Variants in PLSCR2 observed in about 807,000 individuals in gnomAD.
PLSCR2 encodes PL scramblase 2.
A neutral mutation model predicts 25.3 loss-of-function variants in PLSCR2; 18 were observed. The ratio of observed to expected loss-of-function variants is 0.71; its 90% CI spans 0.49 to 1.06. The LOEUF (loss-of-function observed/expected upper bound fraction) is 1.06, where lower values mean the gene tolerates loss of function less well. PLSCR2 is among the 50% of genes least tolerant of loss of function. PLSCR2 has a pLI of 0.00. For missense variants in PLSCR2, 243 were observed against 269.5 expected (o/e 0.90, Z 0.69); for synonymous variants, 88 against 87.3 (o/e 1.01, Z -0.04).
chr3:146,412,837 G>A (rs1160077595), intron 2 of PLSCR2, among the ~76,000 whole-genome samples: 3 of 152,090 alleles, frequency 2.0e-5, no homozygotes, highest in Admixed American at 1.3e-4. Context: ...GTACGAGCTG[G>A]AGTGGTGGGG....
chr3:146,479,833 G>T (rs899144781), intron 1 of PLSCR2, among the ~76,000 whole-genome samples: 1 of 152,074 alleles, frequency 6.6e-6, no homozygotes, highest in African/African-American at 2.4e-5. Context: ...CACATAATTG[G>T]AAGTAAAGCA....
At chr3:146,439,357 T>C (rs938905313), downstream of PLSCR2, among the ~76,000 whole-genome samples, 2 of 152,214 alleles carry the variant, frequency 1.3e-5, no homozygotes, top group Non-Finnish European at 2.9e-5. Context: ...CTGGATAATA[T>C]CCTGAAGTGT....
intron 1 of PLSCR2, among the ~76,000 whole-genome samples, chr3:146,494,439 C>T (rs760939369): frequency 3.3e-5 from 5 of 151,984 alleles, no homozygotes; most frequent in Admixed American, 6.6e-5. Flanking sequence ...TGTGCATATA[C>T]AGTGCATATG....
chr3:146,460,815 C>T (rs181289524), upstream of PLSCR2, among the ~76,000 whole-genome samples: 3 of 152,316 alleles, frequency 2.0e-5, no homozygotes, highest in Admixed American at 2.0e-4. Context: ...TTTTCAGATG[C>T]TTGTCTGGGC....
At chr3:146,455,423 A>C (rs2041155714) in exon 4 of PLSCR2, 1 of 1,612,288 alleles carries the variant, frequency 6.2e-7, no homozygotes, top group African/African-American at 1.3e-5. Context: ...GCTGTTCTTG[A>C]TTTCATACAT....
chr3:146,426,849 T>C (rs1298457040), intron 2 of PLSCR2, among the ~76,000 whole-genome samples: 2 of 152,182 alleles, frequency 1.3e-5, no homozygotes, highest in Non-Finnish European at 2.9e-5. Flanking sequence ...TTTTTATGTG[T>C]CTTTAAATTC....
At chr3:146,472,383 T>C (rs1056527664) in intron 1 of PLSCR2, among the ~76,000 whole-genome samples, 1 of 152,230 alleles carries the variant, frequency 6.6e-6, no homozygotes, top group Non-Finnish European at 1.5e-5. Context: ...AGACTTCTTT[T>C]CATGTAGTTC....
rs1394189495 is a variant in PLSCR2 at position 146,472,037 on chromosome 3, C to A, written c.-292-11753G>T. Among the ~76,000 whole-genome samples the A allele has an allele frequency of 2.6e-5, 4 of 152,062 alleles. No homozygotes were observed. The South Asian group carries it at 6.2e-4, about 24-fold the overall frequency. ...TGTACCCAGGACATTTTTATGATTT[C>A]TTCCTTTACGTCTATTCCTTATTTC... is the stretch of plus-strand genomic sequence containing the variant. On this transcript the variant is annotated intron_variant, in intron 1 of 8. Transcript: ENST00000336685.
intron 8 of PLSCR2, among the ~76,000 whole-genome samples, chr3:146,436,048 G>T (rs1393051651): frequency 1.3e-5 from 2 of 152,098 alleles, no homozygotes; most frequent in Non-Finnish European, 2.9e-5. Flanking sequence ...CCCATTTCTT[G>T]TTTTTGTCAG....
intron 1 of PLSCR2, chr3:146,495,847 C>A: frequency 6.9e-7 from 1 of 1,453,014 alleles, no homozygotes; most frequent in Non-Finnish European, 9.3e-7. Flanking sequence ...TTATAGAGAT[C>A]AACATTTGAA....
chr3:146,396,751 G>GTA (rs2038287127), intron 2 of PLSCR2, among the ~76,000 whole-genome samples: 1 of 152,074 alleles, frequency 6.6e-6, no homozygotes, highest in Non-Finnish European at 1.5e-5. Context: ...AGGTTAGCAG[G>GTA]GCTGCTCATA....
At chr3:146,414,768 T>A (rs1298323928) in intron 2 of PLSCR2, among the ~76,000 whole-genome samples, 1 of 152,210 alleles carries the variant, frequency 6.6e-6, no homozygotes, top group East Asian at 1.9e-4. Flanking sequence ...TGCATTCTGC[T>A]TCTATTAACA....
chr3:146,393,506 T>A (rs958537066), intron 3 of PLSCR2, among the ~76,000 whole-genome samples: 38 of 151,894 alleles, frequency 2.5e-4, no homozygotes, highest in Non-Finnish European at 3.8e-4. Flanking sequence ...ATGTGTGTTG[T>A]CTAATTGTTT....
At chr3:146,414,597 AT>A (rs10627858) in intron 2 of PLSCR2, among the ~76,000 whole-genome samples, 75 of 150,392 alleles carry the variant, frequency 5.0e-4, no homozygotes, top group African/African-American at 1.7e-3. Context: ...CAATGATAGT[AT>A]TTTTTTTTTG....
At chr3:146,419,055 T>C (rs889948514) in intron 2 of PLSCR2, among the ~76,000 whole-genome samples, 2 of 152,140 alleles carry the variant, frequency 1.3e-5, no homozygotes, top group Non-Finnish European at 2.9e-5. Flanking sequence ...GATGAAAATC[T>C]TCTAAATCAT....
downstream of PLSCR2, among the ~76,000 whole-genome samples, chr3:146,429,267 A>C (rs975323938): frequency 6.6e-6 from 1 of 152,218 alleles, no homozygotes; most frequent in African/African-American, 2.4e-5. Context: ...TAGAGGGCTC[A>C]GAAGAAGACA....
chr3:146,420,248 G>T (rs984217260), intron 2 of PLSCR2, among the ~76,000 whole-genome samples: 2 of 151,906 alleles, frequency 1.3e-5, no homozygotes, highest in African/African-American at 4.8e-5. Flanking sequence ...CTAAATTTGT[G>T]TAAAATAATC....
chr3:146,400,188 A>C (rs561684746), intron 2 of PLSCR2, among the ~76,000 whole-genome samples: 14 of 151,806 alleles, frequency 9.2e-5, no homozygotes, highest in Non-Finnish European at 1.9e-4. Flanking sequence ...ATGACAAAGG[A>C]AGAAGTAAAA....
At chr3:146,463,842 T>C, upstream of PLSCR2, 2 of 976,818 alleles carry the variant, frequency 2.0e-6, no homozygotes, top group Middle Eastern at 5.2e-4. Context: ...TACCTGCCAT[T>C]TCAAAATTAT....
Sources: allele counts gnomAD v4.1 joint callset (sites outside exome capture counted in the v4.1 genomes callset), GRCh38; gene constraint gnomAD v4.1.1; transcripts MANE v1.5; gene names NCBI Gene and HGNC (gene_info 2026-07-23, HGNC 2026-07-21).